FHAD1: variants seen among roughly 807,000 people sequenced by gnomAD.
FHAD1 encodes the protein forkhead associated phosphopeptide binding domain 1.
FHAD1 carries 146 observed loss-of-function variants against 191.3 expected under a neutral mutation model. That is an observed-to-expected ratio of 0.76 (90% CI 0.67 to 0.88). The LOEUF is 0.88. Among genes scored for constraint, FHAD1 ranks in the 40% least tolerant of loss-of-function variants. The probability of loss-of-function intolerance (pLI) is 0.00; values close to 1 mark genes in which losing one functional copy is unlikely to be tolerated. For synonymous variants in FHAD1, 616 were observed against 672.3 expected (o/e 0.92, Z 1.29); for missense variants, 1,635 against 1,785.8 (o/e 0.92, Z 1.52).
chr1:15,343,932 C>T (rs970105838), intron 16 of FHAD1: 2 of 152,210 alleles, frequency 1.3e-5, no homozygotes, highest in Non-Finnish European at 2.9e-5. Context: ...ATTTCAGCCC[C>T]ACCATGTTAA....
intron 22 of FHAD1, among the ~76,000 whole-genome samples, chr1:15,362,014 A>G (rs1405339238): frequency 1.3e-5 from 2 of 148,652 alleles, no homozygotes; most frequent in African/African-American, 2.5e-5. Flanking sequence ...AAAAAAAAAA[A>G]AAGAAAGAGA....
chr1:15,382,892 G>A (rs1701232851), intron 31 of FHAD1, among the ~76,000 whole-genome samples: 1 of 152,246 alleles, frequency 6.6e-6, no homozygotes, highest in Non-Finnish European at 1.5e-5. Context: ...CAGAGGAAAG[G>A]TGTGAGGATG....
downstream of FHAD1, among the ~76,000 whole-genome samples, chr1:15,398,441 C>G (rs2103240221): frequency 6.6e-6 from 1 of 152,228 alleles, no homozygotes; most frequent in East Asian, 1.9e-4. Context: ...ATTAGATTCC[C>G]CATTTGACAG....
intron 26 of FHAD1, among the ~76,000 whole-genome samples, chr1:15,372,238 G>A (rs1487573242): frequency 6.6e-6 from 1 of 151,944 alleles, no homozygotes; most frequent in Non-Finnish European, 1.5e-5. Flanking sequence ...CATGGGGGTG[G>A]GGGTAGGGGA....
chr1:15,380,885 C>T (rs1700745654), intron 29 of FHAD1, 89 bp downstream of exon 29: 1 of 903,178 alleles, frequency 1.1e-6, no homozygotes. Context: ...AAATATCAAC[C>T]TCACATGCCT....
At chr1:15,366,284 CA>C (rs35252287) in intron 24 of FHAD1, among the ~76,000 whole-genome samples, 417 of 44,464 alleles carry the variant, frequency 9.4e-3, no homozygotes, top group African/African-American at 0.019. Flanking sequence ...GACTCTGTCT[CA>C]AAAAAAAAAA....
Position 15,300,968 on chromosome 1 carries a change from T to G in FHAD1, c.679-237T>G, listed in dbSNP as rs147630850. Among the ~76,000 whole-genome samples, 377 of 152,288 alleles carry G rather than the reference T, an allele frequency of 2.5e-3. 4 individuals are homozygous for G. The East Asian group carries it at 0.028, about 11-fold the overall frequency. ...CCTCAGCCTCCCAAGTAGCTGGGAT[T>G]ACAGGCGCTTGCCACCACACCCAGC... is the stretch of plus-strand genomic sequence containing the variant. On this transcript the variant is annotated intron_variant, in intron 5 of 33. Coordinates refer to ENST00000688493, the MANE Select transcript of FHAD1 (RefSeq NM_001391957.1).
chr1:15,240,325 A>G (rs1325323303), intron 1 of FHAD1, among the ~76,000 whole-genome samples: 2 of 152,174 alleles, frequency 1.3e-5, no homozygotes, highest in East Asian at 1.9e-4. Flanking sequence ...ACCAATAACA[A>G]TGTGAGCTTG....
rs561639137 is a variant in FHAD1 at position 15,384,679 on chromosome 1, G to C, written c.4188+2486G>C. ...GCGGCCAAGCCAAACCTGTGTCAGC[G>C]TCCCCAGCTGGAGCTGGGAACTTTC... On this transcript the variant is annotated intron_variant, in intron 31 of 33. Transcript: ENST00000688493. 3 of 152,198 alleles carry C rather than the reference G, an allele frequency of 2.0e-5. No homozygotes were observed. In the South Asian group the frequency reaches 6.2e-4, roughly 32 times the overall value. The allele number at this position is 152,198 out of a possible 1,614,324, so 9.4% of individuals were successfully genotyped here.
intron 26 of FHAD1, among the ~76,000 whole-genome samples, chr1:15,370,843 C>A (rs1167878665): frequency 6.6e-6 from 1 of 152,154 alleles, no homozygotes; most frequent in Non-Finnish European, 1.5e-5. Context: ...GCATGGCGTT[C>A]CAGTAATGGG....
At chr1:15,255,769 G>T (rs1482240077) in intron 2 of FHAD1, among the ~76,000 whole-genome samples, 1 of 152,212 alleles carries the variant, frequency 6.6e-6, no homozygotes, top group African/African-American at 2.4e-5. Context: ...AAGGCCCTGG[G>T]GTAGAAGAGC....
At position 15,247,367 on chromosome 1, in the gene FHAD1, T is replaced by C; in HGVS notation, c.-43T>C. ...GAGCTGGCAGGGCTCTCGGCGGAGG[T>C]CGGAGCGTGGGCTTCCTCCTCCCGC... On this transcript the variant is annotated 5_prime_UTR_variant, in exon 1 of 34. Transcript: ENST00000688493. 4.4e-6 allele frequency: 1 copy of C among 226,146 alleles called. No individual in the cohort carries two copies. The highest frequency in any genetic ancestry group is 3.5e-5 in the South Asian group (1 of 28,224). The allele number at this position is 226,146 out of a possible 1,614,324, so 14.0% of individuals were successfully genotyped here.
At chr1:15,275,357 T>TTTA in intron 3 of FHAD1, among the ~76,000 whole-genome samples, 1 of 152,328 alleles carries the variant, frequency 6.6e-6, no homozygotes, top group East Asian at 1.9e-4. Flanking sequence ...GCTAAGGGAC[T>TTTA]TTTGGCAGCC....
rs569471111 is a variant in FHAD1, at chr1:15,388,398, C to G, written c.4269+267C>G. The G allele has an allele frequency of 9.5e-6, 12 of 1,262,368 alleles. 1 individual carries two copies. In the South Asian group the frequency reaches 1.5e-4, roughly 16 times the overall value. 78.2% of individuals were successfully genotyped at this position (1,262,368 alleles called of 1,614,324 possible). On this transcript the variant is annotated intron_variant, in intron 32 of 33. Transcript: ENST00000688493. ...ACGGATGACCTAAGAGACAAGCACGCGTCCAGCCCCGTCTGTCCATTAAGG... is the reference window on the plus strand; with the variant it reads ...ACGGATGACCTAAGAGACAAGCACGGGTCCAGCCCCGTCTGTCCATTAAGG...
At chr1:15,323,458 G>A (rs1357549513) in intron 10 of FHAD1, among the ~76,000 whole-genome samples, 1 of 152,154 alleles carries the variant, frequency 6.6e-6, no homozygotes, top group African/African-American at 2.4e-5. Flanking sequence ...CGGCCTTCCC[G>A]GGAAACAGCT....
chr1:15,375,795 CT>C, intron 28 of FHAD1, 65 bp downstream of exon 28: 1 of 1,451,156 alleles, frequency 6.9e-7, no homozygotes, highest in South Asian at 1.4e-5. Context: ...AGGGCAGACA[CT>C]AGCTTCGTTC....
chr1:15,364,064 C>T, intron 23 of FHAD1: 11 of 296,360 alleles, frequency 3.7e-5, no homozygotes, highest in South Asian at 3.5e-4. Context: ...CAGCACCACC[C>T]AGCTCTGCTC....
chr1:15,302,713 G>A (rs947358106), intron 6 of FHAD1, among the ~76,000 whole-genome samples: 11 of 150,790 alleles, frequency 7.3e-5, no homozygotes, highest in African/African-American at 1.2e-4. Flanking sequence ...GCGAGACTCC[G>A]TCTCAAAAAA....
chr1:15,396,213 C>T (rs1318395556), intron 33 of FHAD1, among the ~76,000 whole-genome samples: 3 of 151,920 alleles, frequency 2.0e-5, no homozygotes, highest in Admixed American at 2.0e-4. Context: ...CCAGCTTACT[C>T]GGGAGGCTGA....
Sources: gnomAD v4.1 joint callset for allele counts (sites outside exome capture counted in the v4.1 genomes callset) on GRCh38, gnomAD v4.1.1 for gene constraint, MANE v1.5 for transcripts, NCBI Gene and HGNC (gene_info 2026-07-23, HGNC 2026-07-21) for gene names.